SFXN2: variants seen among roughly 807,000 people sequenced by gnomAD.
SFXN2 encodes the protein sideroflexin 2.
Under a neutral mutation model 41.9 loss-of-function variants are expected in SFXN2, and 37 were observed. The observed-to-expected ratio is 0.88, with a 90% CI of 0.68 to 1.16. SFXN2 has a LOEUF of 1.16. SFXN2 is among the 50% of genes most tolerant of loss of function. SFXN2 has a pLI of 0.00. For synonymous variants in SFXN2, 150 were observed against 156.7 expected (o/e 0.96, Z 0.32); for missense variants, 386 against 425.2 (o/e 0.91, Z 0.81).
chr10:102,732,946 G>C, intron 9 of SFXN2, 38 bp downstream of exon 9: 2 of 1,611,512 alleles, frequency 1.2e-6, no homozygotes, highest in Non-Finnish European at 1.7e-6. Flanking sequence ...CCTGCCCAGA[G>C]TGCGTCCAGC....
rs2064813403 is a variant in SFXN2, at chr10:102,738,665, A to G, written c.*903A>G. ...ACACTTAGGAGTTATTAGTGCTAAA[A>G]AGGGGACCGTGCAAGGCAGCAGAGT... On this transcript the variant is annotated 3_prime_UTR_variant, in exon 12 of 12. Transcript: ENST00000369893. 1 of 152,180 alleles carries G rather than the reference A, an allele frequency of 6.6e-6. No individual in the cohort carries two copies. The allele number at this position is 152,180 out of a possible 1,614,324, so 9.4% of individuals were successfully genotyped here.
intron 7 of SFXN2, 84 bp downstream of exon 7, chr10:102,731,867 A>G: frequency 8.0e-7 from 1 of 1,255,860 alleles, no homozygotes; most frequent in Non-Finnish European, 1.1e-6. Context: ...AGTAGGCACC[A>G]ATATAGGATT....
At chr10:102,735,994 G>T in intron 11 of SFXN2, 85 bp downstream of exon 11, 1 of 1,353,528 alleles carries the variant, frequency 7.4e-7, no homozygotes. Flanking sequence ...GAAGGAGACA[G>T]GGAAGGGGCA....
At chr10:102,733,997 C>A (rs907121181) in intron 10 of SFXN2, among the ~76,000 whole-genome samples, 2 of 152,152 alleles carry the variant, frequency 1.3e-5, no homozygotes, top group African/African-American at 4.8e-5. Flanking sequence ...AAGCAATGCT[C>A]CTGCCTCAGC....
intron 5 of SFXN2, 42 bp from the exon 6 acceptor site, chr10:102,729,681 C>T (rs1482203939): frequency 6.3e-7 from 1 of 1,593,072 alleles, no homozygotes; most frequent in Non-Finnish European, 8.6e-7. Flanking sequence ...TCCCATCTTC[C>T]AGCGCTTCTG....
chr10:102,717,095 A>G (rs990480714), intron 1 of SFXN2, among the ~76,000 whole-genome samples: 2 of 147,950 alleles, frequency 1.4e-5, no homozygotes, highest in African/African-American at 5.0e-5. Context: ...CTTAGATCAC[A>G]TGTCTTCAGG....
At chr10:102,724,593 T>C (rs2136038373) in intron 1 of SFXN2, among the ~76,000 whole-genome samples, 1 of 152,170 alleles carries the variant, frequency 6.6e-6, no homozygotes. Flanking sequence ...TCTCAGCTAC[T>C]TGGGAGGCTG....
At chr10:102,716,372 GC>G (rs1445253243) in intron 1 of SFXN2, 1 of 151,668 alleles carries the variant, frequency 6.6e-6, no homozygotes, top group Non-Finnish European at 1.5e-5. Flanking sequence ...CCTACCTGGG[GC>G]TACAAACAGT....
At chr10:102,736,042 G>A (rs2064772330) in intron 11 of SFXN2, 133 bp downstream of exon 11, 2 of 890,840 alleles carry the variant, frequency 2.2e-6, no homozygotes, top group African/African-American at 1.6e-5. Context: ...GTGTCCATCA[G>A]CCTAAAGGCT....
At chr10:102,728,238 G>A (rs761019169) in intron 3 of SFXN2, among the ~76,000 whole-genome samples, 193 bp from the exon 4 acceptor site, 4 of 152,192 alleles carry the variant, frequency 2.6e-5, no homozygotes, top group Non-Finnish European at 5.9e-5. Flanking sequence ...GGCGGAGGTT[G>A]CAGTGAGCTG....
intron 8 of SFXN2, 109 bp from the exon 9 acceptor site, chr10:102,732,750 G>A: frequency 1.8e-6 from 2 of 1,116,024 alleles, no homozygotes; most frequent in Non-Finnish European, 2.7e-6. Context: ...GTATTTTCTG[G>A]AGCTTCTGCT....
chr10:102,722,477 TCTGTTTGTTAA>T (rs1439344976), intron 1 of SFXN2, among the ~76,000 whole-genome samples: 1 of 152,232 alleles, frequency 6.6e-6, no homozygotes, highest in Non-Finnish European at 1.5e-5. Flanking sequence ...AACAAACGTA[TCTGTTTGTTAA>T]CTGTTAACAG....
chr10:102,714,708 C>T (rs1026745366), intron 1 of SFXN2, 27 bp downstream of exon 1: 2 of 187,140 alleles, frequency 1.1e-5, no homozygotes, highest in Non-Finnish European at 2.2e-5. Flanking sequence ...CAATGGCGCT[C>T]GCCCTGTCTA....
intron 1 of SFXN2, among the ~76,000 whole-genome samples, chr10:102,720,625 A>G (rs1025563357): frequency 6.6e-6 from 1 of 151,968 alleles, no homozygotes; most frequent in Non-Finnish European, 1.5e-5. Flanking sequence ...AAAAAAAAAA[A>G]TCCCATGGTA....
intron 6 of SFXN2, 134 bp from the exon 7 acceptor site, chr10:102,731,589 A>G (rs767647606): frequency 2.9e-6 from 2 of 698,738 alleles, no homozygotes; most frequent in Non-Finnish European, 5.2e-6. Flanking sequence ...TGCAGAAGGA[A>G]GGTCAAAGGC....
At position 102,729,305 on chromosome 10, in the gene SFXN2, C is replaced by T; in HGVS notation, c.432-14C>T. The T allele has an allele frequency of 6.2e-7, 1 of 1,613,692 alleles. No homozygotes were observed. The highest frequency in any genetic ancestry group is 8.5e-7 in the Non-Finnish European group (1 of 1,179,702). On this transcript the variant is annotated splice_polypyrimidine_tract_variant and intron_variant, in intron 4 of 11. Transcript: ENST00000369893. ...GCAGGGGCCCCACTCCCAAGCATCT[C>T]TCTCCTCCCCCAGGCAGATGGCCCT... is the stretch of plus-strand genomic sequence containing the variant.
chr10:102,732,089 C>G (rs1384607069), intron 7 of SFXN2, 63 bp from the exon 8 acceptor site: 5 of 1,481,312 alleles, frequency 3.4e-6, no homozygotes, highest in Non-Finnish European at 3.7e-6. Flanking sequence ...GACCCAGCCC[C>G]CTGGTGCAGC....
chr10:102,733,318 T>G (rs2064729862), intron 9 of SFXN2, among the ~76,000 whole-genome samples: 1 of 152,112 alleles, frequency 6.6e-6, no homozygotes, highest in Non-Finnish European at 1.5e-5. Flanking sequence ...CAGCTATTTT[T>G]TTTGTATTTT....
intron 1 of SFXN2, among the ~76,000 whole-genome samples, chr10:102,718,734 C>T (rs571189253): frequency 3.9e-5 from 6 of 152,068 alleles, no homozygotes; most frequent in Non-Finnish European, 5.9e-5. Context: ...TCCGCCTTAA[C>T]GAAAAATCTA....
Sources: allele counts gnomAD v4.1 joint callset (sites outside exome capture counted in the v4.1 genomes callset), GRCh38; gene constraint gnomAD v4.1.1; transcripts MANE v1.5; gene names NCBI Gene and HGNC (gene_info 2026-07-23, HGNC 2026-07-21).